The following CDC73 variants were observed in gnomAD, a reference collection of about 807,000 sequenced individuals.
CDC73 encodes the protein parafibromin.
A neutral mutation model predicts 83.7 loss-of-function variants in CDC73; 21 were observed. That is an observed-to-expected ratio of 0.25 (90% CI 0.18 to 0.36). The LOEUF is 0.36. CDC73 is among the 10% of genes least tolerant of loss of function. The probability of loss-of-function intolerance (pLI) is 1.00; values close to 1 mark genes in which losing one functional copy is unlikely to be tolerated. For synonymous variants in CDC73, 224 were observed against 212.9 expected (o/e 1.05, Z -0.45); for missense variants, 342 against 653.3 (o/e 0.52, Z 5.19).
chr1:193,159,761 T>C (rs1676276153), intron 10 of CDC73, among the ~76,000 whole-genome samples: 1 of 152,252 alleles, frequency 6.6e-6, no homozygotes, highest in Admixed American at 6.5e-5. Flanking sequence ...CGTTTTATAC[T>C]GAATAATACA....
At chr1:193,245,838 T>G in intron 15 of CDC73, among the ~76,000 whole-genome samples, 1 of 152,090 alleles carries the variant, frequency 6.6e-6, no homozygotes, top group African/African-American at 2.4e-5. Flanking sequence ...CTAACTGGAG[T>G]GAGATGATAC....
At chr1:193,215,321 A>G (rs1397982451) in intron 13 of CDC73, among the ~76,000 whole-genome samples, 2 of 152,198 alleles carry the variant, frequency 1.3e-5, no homozygotes, top group Non-Finnish European at 2.9e-5. Context: ...GATATACAGT[A>G]TATCTAGTTT....
At chr1:193,147,284 G>C (rs558918720) in intron 7 of CDC73, among the ~76,000 whole-genome samples, 2 of 151,960 alleles carry the variant, frequency 1.3e-5, no homozygotes, top group Admixed American at 6.6e-5. Context: ...GAGCCACCGT[G>C]CCCGGCCTTA....
chr1:193,242,958 T>C (rs374041860), intron 15 of CDC73, among the ~76,000 whole-genome samples: 18 of 150,378 alleles, frequency 1.2e-4, no homozygotes, highest in East Asian at 1.2e-3. Context: ...TCTTCTTCTT[T>C]TTTTTTTTTT....
intron 10 of CDC73, chr1:193,180,289 CT>C: frequency 1.1e-5 from 17 of 1,537,490 alleles, no homozygotes; most frequent in Non-Finnish European, 1.5e-5. Context: ...AAAAAATTGT[CT>C]TTTCTAATGT....
At chr1:193,168,179 G>A (rs923788169) in intron 10 of CDC73, among the ~76,000 whole-genome samples, 1 of 151,920 alleles carries the variant, frequency 6.6e-6, no homozygotes, top group African/African-American at 2.4e-5. Context: ...TTAATGTGAT[G>A]AGTAGGTACC....
chr1:193,240,143 T>G (rs763298252), intron 15 of CDC73, among the ~76,000 whole-genome samples: 1 of 152,192 alleles, frequency 6.6e-6, no homozygotes, highest in Non-Finnish European at 1.5e-5. Flanking sequence ...TTTCTTTCAC[T>G]TAATAGAATG....
Position 193,205,208 on chromosome 1 carries a change from C to CCCCT in CDC73, c.1030+1356_1030+1357insCCCT, listed in dbSNP as rs145197340. On this transcript the variant is annotated intron_variant, in intron 11 of 16. Transcript: ENST00000367435. Reference sequence around the variant, plus strand: ...CTATACCACCTGTCCCCCCCCCCCCCTTTTTTTTTAAACTCATCAGTGCTG... The same window carrying CCCCT: ...CTATACCACCTGTCCCCCCCCCCCCCCCCTTTTTTTTTTAAACTCATCAGTGCTG... Among the ~76,000 whole-genome samples the CCCCT allele has an allele frequency of 2.7e-4, 22 of 82,512 alleles. 2 individuals carry two copies. The highest frequency in any genetic ancestry group is 6.0e-4 in the African/African-American group (9 of 15,104). 54.1% of individuals were successfully genotyped at this position (82,512 alleles called of 152,430 possible).
chr1:193,166,507 A>G lies in CDC73; in HGVS notation c.972+14063A>G, dbSNP rs146396835. 5.3e-3 allele frequency among the ~76,000 whole-genome samples: 803 copies of G among 152,248 alleles called. 4 individuals carry two copies. The highest frequency in any genetic ancestry group is 0.024 in the Middle Eastern group (7 of 294). On this transcript the variant is annotated intron_variant, in intron 10 of 16. Coordinates refer to ENST00000367435, the MANE Select transcript of CDC73 (RefSeq NM_024529.5). The stretch of plus-strand genomic sequence containing the variant: ...AGTGATTTAAAATGGTTTAAATGTA[A>G]TGATTTAAGTTGGGGATTGACAAAC...
intron 6 of CDC73, 45 bp from the exon 7 acceptor site, chr1:193,141,804 TC>T (rs761868309): frequency 2.8e-5 from 33 of 1,185,980 alleles, no homozygotes; most frequent in Non-Finnish European, 4.1e-5. Flanking sequence ...TATGATACAC[TC>T]CAGGAATGCC....
At chr1:193,151,884 T>C (rs182603220) in intron 9 of CDC73, among the ~76,000 whole-genome samples, 273 of 152,216 alleles carry the variant, frequency 1.8e-3, no homozygotes, top group African/African-American at 6.3e-3. Flanking sequence ...TGCAGTGAAC[T>C]GCAGTGCCAC....
chr1:193,238,975 A>G (rs998445535), intron 15 of CDC73, among the ~76,000 whole-genome samples: 4 of 152,200 alleles, frequency 2.6e-5, no homozygotes, highest in Admixed American at 2.0e-4. Context: ...GATCAAATGT[A>G]TATGGTTATG....
At chr1:193,188,960 T>TG in intron 10 of CDC73, among the ~76,000 whole-genome samples, 1 of 152,090 alleles carries the variant, frequency 6.6e-6, no homozygotes, top group Non-Finnish European at 1.5e-5. Context: ...TGTCTGTTTT[T>TG]TTTTTTTTTT....
intron 11 of CDC73, among the ~76,000 whole-genome samples, chr1:193,209,197 CAG>C (rs1380205641): frequency 6.6e-6 from 1 of 152,164 alleles, no homozygotes; most frequent in African/African-American, 2.4e-5. Flanking sequence ...TGAAATCAAA[CAG>C]AGCAACAGTA....
At position 193,130,241 on chromosome 1, in the gene CDC73, C is replaced by T. The variant is rs778134705; in HGVS notation, c.305C>T (p.Ala102Val). Residue 102 changes from alanine to valine, a missense_variant and splice_region_variant, in exon 3 of 17, where the codon GCG (alanine) becomes GTG (valine). This residue lies in a region of CDC73 where 99 missense variants were observed against 174.5 expected (regional missense o/e 0.57). Transcript: ENST00000367435. ...KDLLGYLNGE[A>V]STSASIDRSA... ...CTACTTGGATATCTCAATGGTGAAG[C>T]GTGTGAGTACTTTTTAAATTGTTCC... The T allele has an allele frequency of 1.4e-5, 21 of 1,542,368 alleles. No homozygotes were observed. Among genetic ancestry groups the T allele is most frequent in the South Asian group, 4.5e-5 (4 of 89,662 alleles).
intron 10 of CDC73, among the ~76,000 whole-genome samples, chr1:193,191,896 A>C (rs1676925457): frequency 6.6e-6 from 1 of 152,174 alleles, no homozygotes; most frequent in Non-Finnish European, 1.5e-5. Flanking sequence ...CCACTGGGTC[A>C]GCACCTTTGA....
intron 15 of CDC73, among the ~76,000 whole-genome samples, chr1:193,248,431 A>G (rs1677989532): frequency 6.6e-6 from 1 of 152,108 alleles, no homozygotes; most frequent in East Asian, 1.9e-4. Context: ...GATTACTAAC[A>G]CATCTATTCC....
chr1:193,180,873 T>C lies in CDC73; in HGVS notation c.973-22922T>C. ...CAACCCAGTTCATGCCCATTAGTGT[T>C]TTAATGGTCAAATTATAGTACGTAT... On this transcript the variant is annotated intron_variant, in intron 10 of 16. Coordinates refer to ENST00000367435, the MANE Select transcript of CDC73 (RefSeq NM_024529.5). 1.9e-6 allele frequency: 3 copies of C among 1,613,566 alleles called. No individual in the cohort carries two copies. In the South Asian group the frequency reaches 3.3e-5, roughly 18 times the overall value.
intron 10 of CDC73, among the ~76,000 whole-genome samples, chr1:193,202,652 C>T (rs1677112765): frequency 7.1e-6 from 1 of 141,734 alleles, no homozygotes; most frequent in Non-Finnish European, 1.5e-5. Flanking sequence ...GTTTTTGCTA[C>T]CTACCTGCTC....
Sources: allele counts gnomAD v4.1 joint callset (sites outside exome capture counted in the v4.1 genomes callset), GRCh38; gene constraint gnomAD v4.1.1; regional missense constraint gnomAD v4.1.1; transcripts MANE v1.5; gene names NCBI Gene and HGNC (gene_info 2026-07-23, HGNC 2026-07-21).